The following MBD5 variants were observed in gnomAD, a reference collection of about 807,000 sequenced individuals.
MBD5 encodes the protein methyl-CpG-binding domain protein 5.
In MBD5, 13 loss-of-function variants were observed where a neutral mutation model predicts 117.3. The observed-to-expected ratio is 0.11, with a 90% CI of 0.07 to 0.18. The LOEUF is 0.18. MBD5 is among the 10% of genes least tolerant of loss of function. MBD5 has a pLI of 1.00. For missense variants in MBD5, 1,879 were observed against 2,093.8 expected (o/e 0.90, Z 2.00); for synonymous variants, 727 against 766.4 (o/e 0.95, Z 0.85).
Position 148,510,151 on chromosome 2 carries a change from T to C in MBD5, c.5112+16T>C, listed in dbSNP as rs546113731. ...GTCTGGGACTGTAAGTTAATTTATT[T>C]TTCCATTATACTACGTTTCTTTGAA... On this transcript the variant is annotated intron_variant, in intron 13 of 13. Coordinates refer to ENST00000642680, the MANE Select transcript of MBD5 (RefSeq NM_001378120.1). The C allele has an allele frequency of 6.4e-7, 1 of 1,570,732 alleles. No individual in the cohort carries two copies. The highest frequency in any genetic ancestry group is 1.3e-5 in the African/African-American group (1 of 74,224).
intron 1 of MBD5, among the ~76,000 whole-genome samples, chr2:148,127,713 A>G (rs2105447779): frequency 6.6e-6 from 1 of 152,302 alleles, no homozygotes; most frequent in African/African-American, 2.4e-5. Flanking sequence ...GTATCTTTAT[A>G]ACAGAATGAT....
chr2:148,170,124 C>T (rs1241531778), intron 1 of MBD5, among the ~76,000 whole-genome samples: 1 of 152,172 alleles, frequency 6.6e-6, no homozygotes, highest in Non-Finnish European at 1.5e-5. Context: ...GTCTCGATCT[C>T]CTGACCTCGT....
intron 3 of MBD5, among the ~76,000 whole-genome samples, chr2:148,306,082 G>A (rs754171492): frequency 1.3e-5 from 2 of 152,158 alleles, no homozygotes; most frequent in African/African-American, 2.4e-5. Context: ...AGGAATCTCA[G>A]ATTAAACTTT....
chr2:148,503,275 A>G (rs1456916096), intron 12 of MBD5, among the ~76,000 whole-genome samples: 2 of 152,202 alleles, frequency 1.3e-5, no homozygotes, highest in African/African-American at 4.8e-5. Flanking sequence ...AAAATTATAT[A>G]TTAGTTAATT....
intron 3 of MBD5, among the ~76,000 whole-genome samples, chr2:148,341,153 CT>C (rs1385382120): frequency 6.6e-6 from 1 of 151,984 alleles, no homozygotes; most frequent in Non-Finnish European, 1.5e-5. Flanking sequence ...TTGCTTTCCC[CT>C]GTCATCCTCC....
chr2:148,416,255 C>T (rs1705414173), intron 4 of MBD5, among the ~76,000 whole-genome samples: 1 of 152,200 alleles, frequency 6.6e-6, no homozygotes, highest in Non-Finnish European at 1.5e-5. Context: ...TCATGGGCTG[C>T]ATGCTGTAAC....
intron 1 of MBD5, among the ~76,000 whole-genome samples, chr2:148,129,678 G>T (rs1332102893): frequency 1.3e-5 from 2 of 152,138 alleles, no homozygotes; most frequent in African/African-American, 4.8e-5. Context: ...TAGCAATTTA[G>T]GAAAATGTTG....
At position 148,485,775 on chromosome 2, in the gene MBD5, A is replaced by G. The variant is rs754193314; in HGVS notation, c.3578A>G (p.Asn1193Ser). 1.5e-5 allele frequency: 25 copies of G among 1,613,760 alleles called. No homozygotes were observed. Among genetic ancestry groups the G allele is most frequent in the African/African-American group, 4.0e-5 (3 of 74,930 alleles). ...DMSSINNTLS[N>S]HQLTHLQSLL... is the part of the protein sequence containing the mutation. ...TCATCAATAAACAATACTTTGAGTA[A>G]CCATCAACTGACTCATCTACAGTCG... Residue 1193 changes from asparagine to serine, a missense_variant, in exon 10 of 14, where the codon AAC becomes AGC. Coordinates refer to ENST00000642680, the MANE Select transcript of MBD5 (RefSeq NM_001378120.1).
intron 4 of MBD5, among the ~76,000 whole-genome samples, chr2:148,401,532 A>G (rs1471823978): frequency 2.0e-5 from 3 of 152,148 alleles, no homozygotes; most frequent in Non-Finnish European, 2.9e-5. Flanking sequence ...CAGGTGAAAG[A>G]TCTGCTACTA....
intron 4 of MBD5, among the ~76,000 whole-genome samples, chr2:148,419,299 A>C (rs967355906): frequency 6.6e-6 from 1 of 151,954 alleles, no homozygotes; most frequent in African/African-American, 2.4e-5. Context: ...CCTAGGAAAA[A>C]CTCTGTTGGA....
chr2:148,031,668 G>A (rs1460391267), intron 1 of MBD5, among the ~76,000 whole-genome samples: 1 of 152,030 alleles, frequency 6.6e-6, no homozygotes, highest in Non-Finnish European at 1.5e-5. Context: ...AAAATTATTT[G>A]CACAAAAAAT....
intron 1 of MBD5, among the ~76,000 whole-genome samples, chr2:148,052,206 GTTTTTTTTTT>G (rs70992189): frequency 1.2e-5 from 1 of 83,742 alleles, no homozygotes; most frequent in African/African-American, 4.8e-5. Flanking sequence ...CTGTTATTGA[GTTTTTTTTTT>G]TTTTTTTTTT....
intron 1 of MBD5, among the ~76,000 whole-genome samples, chr2:148,073,021 A>G (rs2105094602): frequency 6.6e-6 from 1 of 152,234 alleles, no homozygotes; most frequent in East Asian, 1.9e-4. Flanking sequence ...CCAAGGCCTT[A>G]GGCACCCTCC....
Position 148,392,956 on chromosome 2 carries a change from G to A in MBD5, c.-557+50620G>A, listed in dbSNP as rs1704607929. 2.0e-5 allele frequency among the ~76,000 whole-genome samples: 3 copies of A among 152,156 alleles called. No individual in the cohort carries two copies. The South Asian group carries it at 6.2e-4, about 32-fold the overall frequency. On this transcript the variant is annotated intron_variant, in intron 4 of 13. Transcript: ENST00000642680. ...TCTTTATTTAATGTCATTGCAAATT[G>A]GAAACATTTTTAAAAACTCACTGCC...
At chr2:148,078,480 C>A (rs1195326905) in intron 1 of MBD5, among the ~76,000 whole-genome samples, 1 of 152,176 alleles carries the variant, frequency 6.6e-6, no homozygotes, top group Admixed American at 6.5e-5. Context: ...ATACAGTCCA[C>A]TTCTCCTGGC....
At chr2:148,346,171 A>T in intron 4 of MBD5, 1 of 151,684 alleles carries the variant, frequency 6.6e-6, no homozygotes, top group Non-Finnish European at 1.5e-5. Context: ...ACTGCTCTGA[A>T]AAATAAACTC....
intron 1 of MBD5, among the ~76,000 whole-genome samples, chr2:148,102,761 G>GA (rs1558926572): frequency 0.024 from 2,982 of 122,074 alleles, 69 homozygotes; most frequent in African/African-American, 0.051. Flanking sequence ...GAGAGAGAGA[G>GA]GAAGAGAGAG....
At chr2:148,495,288 A>G (rs1681666154) in intron 11 of MBD5, among the ~76,000 whole-genome samples, 1 of 152,244 alleles carries the variant, frequency 6.6e-6, no homozygotes, top group Non-Finnish European at 1.5e-5. Flanking sequence ...ACCTATTTCA[A>G]TAACTATTTA....
intron 1 of MBD5, among the ~76,000 whole-genome samples, chr2:148,132,814 G>A (rs80020710): frequency 0.011 from 1,737 of 152,192 alleles, 25 homozygotes; most frequent in African/African-American, 0.039. Context: ...ATTAAAAATT[G>A]ATGTGATTTC....
Sources: allele counts gnomAD v4.1 joint callset (sites outside exome capture counted in the v4.1 genomes callset), GRCh38; gene constraint gnomAD v4.1.1; transcripts MANE v1.5; gene names NCBI Gene and HGNC (gene_info 2026-07-23, HGNC 2026-07-21).